The following KPNA4 variants were observed in gnomAD, a reference collection of about 807,000 sequenced individuals.
The protein encoded by KPNA4 is importin subunit alpha-3.
Under a neutral mutation model 71.3 loss-of-function variants are expected in KPNA4, and 13 were observed. The observed-to-expected ratio is 0.18, with a 90% CI of 0.12 to 0.29. The LOEUF (loss-of-function observed/expected upper bound fraction) is 0.29. KPNA4 is among the 10% of genes least tolerant of loss of function. The probability of loss-of-function intolerance (pLI) is 1.00; values close to 1 mark genes in which losing one functional copy is unlikely to be tolerated. For missense variants in KPNA4, 334 were observed against 603.2 expected (o/e 0.55, Z 4.67); for synonymous variants, 189 against 195.2 (o/e 0.97, Z 0.26).
chr3:160,550,263 G>T (rs1295972651), intron 1 of KPNA4, among the ~76,000 whole-genome samples: 1 of 152,116 alleles, frequency 6.6e-6, no homozygotes, highest in African/African-American at 2.4e-5. Flanking sequence ...TGCCAAGGGT[G>T]AGCATCCTTG....
chr3:160,555,791 G>A (rs939656775), intron 1 of KPNA4, among the ~76,000 whole-genome samples: 4 of 151,322 alleles, frequency 2.6e-5, no homozygotes, highest in Admixed American at 6.6e-5. Context: ...TGGGTATTTG[G>A]GTTGTTTCCT....
At chr3:160,547,110 G>A (rs1721927147) in intron 1 of KPNA4, among the ~76,000 whole-genome samples, 1 of 152,116 alleles carries the variant, frequency 6.6e-6, no homozygotes, top group African/African-American at 2.4e-5. Flanking sequence ...TCTATAAGAT[G>A]AATTTAAAAA....
At chr3:160,503,785 T>C (rs1225547275) in intron 16 of KPNA4, among the ~76,000 whole-genome samples, 1 of 152,204 alleles carries the variant, frequency 6.6e-6, no homozygotes, top group African/African-American at 2.4e-5. Context: ...AAAGTTACTC[T>C]TAAAAGAATA....
chr3:160,565,469 A>G lies in KPNA4; in HGVS notation c.-187T>C. 2 of 573,322 alleles carry G rather than the reference A, an allele frequency of 3.5e-6. No homozygotes were observed. Among genetic ancestry groups the G allele is most frequent in the Non-Finnish European group, 6.1e-6 (2 of 327,130 alleles). 35.5% of individuals were successfully genotyped at this position (573,322 alleles called of 1,614,324 possible). On this transcript the variant is annotated 5_prime_UTR_variant, in exon 1 of 17. Coordinates refer to ENST00000334256, the MANE Select transcript of KPNA4 (RefSeq NM_002268.5). ...CTCTCCCCGCCCGCCCCCCCGCCCT[A>G]ACCCCAGCGCGACTGCAGCTCCGGC...
intron 5 of KPNA4, among the ~76,000 whole-genome samples, chr3:160,533,736 A>G (rs1272114890): frequency 6.6e-6 from 1 of 152,214 alleles, no homozygotes; most frequent in African/African-American, 2.4e-5. Flanking sequence ...ACAGTGAAAA[A>G]AAGGCAAATG....
intron 8 of KPNA4, among the ~76,000 whole-genome samples, chr3:160,527,628 G>A (rs1721482645): frequency 6.6e-6 from 1 of 152,010 alleles, no homozygotes; most frequent in Admixed American, 6.6e-5. Flanking sequence ...AAATAAAAAG[G>A]GACCCCACTG....
At chr3:160,519,646 T>G in intron 11 of KPNA4, among the ~76,000 whole-genome samples, 1 of 147,698 alleles carries the variant, frequency 6.8e-6, no homozygotes, top group Non-Finnish European at 1.5e-5. Context: ...ATACAAAAAA[T>G]TAGCCGGGCG....
At chr3:160,526,276 G>A (rs1721458636) in intron 8 of KPNA4, among the ~76,000 whole-genome samples, 169 bp from the exon 9 acceptor site, 1 of 152,276 alleles carries the variant, frequency 6.6e-6, no homozygotes, top group African/African-American at 2.4e-5. Flanking sequence ...GCCAAGAGAG[G>A]CAACATAAAG....
chr3:160,534,718 G>GAAAAAAAA (rs544384718), intron 5 of KPNA4, among the ~76,000 whole-genome samples: 13 of 73,108 alleles, frequency 1.8e-4, no homozygotes, highest in South Asian at 1.0e-3. Context: ...CTCCATCTCA[G>GAAAAAAAA]AAAAAAAAAA....
intron 11 of KPNA4, among the ~76,000 whole-genome samples, chr3:160,520,786 T>G (rs1721332219): frequency 6.6e-6 from 1 of 152,156 alleles, no homozygotes; most frequent in African/African-American, 2.4e-5. Context: ...CATAATGACT[T>G]AGGCTACAGA....
chr3:160,530,931 T>C lies in KPNA4; in HGVS notation c.393A>G (p.Leu131=), dbSNP rs1320639200. The stretch of plus-strand genomic sequence containing the variant: ...TCAAAGCCCATGCAGCTTCAAACTG[T>C]AAAGAAGGACTACAAAAAAAAACAA... ...HCLERDDNPS[L]QFEAAWALTN... Residue 131 remains leucine, a synonymous_variant, in exon 7 of 17, where the codon TTA becomes TTG. Transcript: ENST00000334256. 1 of 1,604,972 alleles carries C rather than the reference T, an allele frequency of 6.2e-7. No individual in the cohort carries two copies. Among genetic ancestry groups the C allele is most frequent in the East Asian group, 2.2e-5 (1 of 44,588 alleles).
intron 11 of KPNA4, among the ~76,000 whole-genome samples, chr3:160,517,272 C>G (rs532257562): frequency 6.6e-6 from 1 of 152,116 alleles, no homozygotes; most frequent in African/African-American, 2.4e-5. Context: ...GTTAAAAGTT[C>G]GTGTTACAGC....
At chr3:160,511,164 G>A (rs772220514) in intron 13 of KPNA4, among the ~76,000 whole-genome samples, 1 of 151,492 alleles carries the variant, frequency 6.6e-6, no homozygotes, top group Non-Finnish European at 1.5e-5. Context: ...GGAGTGCAGT[G>A]GCGCAATCTT....
At chr3:160,515,742 G>C (rs377257147) in intron 11 of KPNA4, among the ~76,000 whole-genome samples, 162 bp from the exon 12 acceptor site, 2 of 151,852 alleles carry the variant, frequency 1.3e-5, no homozygotes, top group South Asian at 2.1e-4. Flanking sequence ...AGCCTCCAGA[G>C]TATCTGGGAC....
chr3:160,511,272 A>T (rs941210140), intron 13 of KPNA4, among the ~76,000 whole-genome samples: 2 of 149,112 alleles, frequency 1.3e-5, no homozygotes, highest in Non-Finnish European at 3.0e-5. Context: ...TGCCTGGCTA[A>T]TTTTTTGTAT....
At chr3:160,545,660 T>C (rs1380729631) in intron 1 of KPNA4, among the ~76,000 whole-genome samples, 2 of 152,134 alleles carry the variant, frequency 1.3e-5, no homozygotes, top group Non-Finnish European at 2.9e-5. Flanking sequence ...CACTGGGGGA[T>C]GAGCAAAGGA....
chr3:160,508,623 T>C (rs976344028), intron 14 of KPNA4, among the ~76,000 whole-genome samples: 2 of 152,204 alleles, frequency 1.3e-5, no homozygotes, highest in Admixed American at 6.5e-5. Flanking sequence ...CTATTTTTAA[T>C]TTAATTAATT....
At chr3:160,524,528 G>A (rs537647473) in intron 10 of KPNA4, among the ~76,000 whole-genome samples, 1 of 151,780 alleles carries the variant, frequency 6.6e-6, no homozygotes, top group Admixed American at 6.6e-5. Flanking sequence ...ATTTTTCATA[G>A]AGACAGGGTT....
intron 1 of KPNA4, among the ~76,000 whole-genome samples, chr3:160,560,598 T>C (rs1180063297): frequency 1.3e-5 from 2 of 151,810 alleles, no homozygotes; most frequent in Non-Finnish European, 3.0e-5. Context: ...CCTTTGCATT[T>C]TTTTTTCTAA....
Sources: gnomAD v4.1 joint callset for allele counts (sites outside exome capture counted in the v4.1 genomes callset) on GRCh38, gnomAD v4.1.1 for gene constraint, MANE v1.5 for transcripts, NCBI Gene and HGNC (gene_info 2026-07-23, HGNC 2026-07-21) for gene names.